Variants in UBTD2 observed in about 807,000 individuals in gnomAD.
The protein encoded by UBTD2 is ubiquitin domain containing 2.
In UBTD2, 9 loss-of-function variants were observed where a neutral mutation model predicts 19.8. The observed-to-expected ratio is 0.46, with a 90% CI of 0.27 to 0.79. The LOEUF (loss-of-function observed/expected upper bound fraction) is 0.79. UBTD2 is among the 30% of genes least tolerant of loss of function. The pLI, the probability that UBTD2 is intolerant of heterozygous loss-of-function variation, is 0.14. For synonymous variants in UBTD2, 98 were observed against 103.9 expected (o/e 0.94, Z 0.35); for missense variants, 250 against 300.4 (o/e 0.83, Z 1.24).
Position 172,240,270 on chromosome 5 carries a change from A to G in UBTD2, c.71-5912T>C, listed in dbSNP as rs562202730. Among the ~76,000 whole-genome samples, 6 of 152,340 alleles carry G rather than the reference A, an allele frequency of 3.9e-5. No individual in the cohort carries two copies. In the South Asian group the frequency reaches 1.2e-3, roughly 32 times the overall value. On this transcript the variant is annotated intron_variant, in intron 1 of 2. Transcript: ENST00000393792. ...CTTTACGGCCTATCACTTTCAACTT[A>G]TAAGTACTTAGCATCTACAACAAAT...
intron 1 of UBTD2, among the ~76,000 whole-genome samples, chr5:172,269,260 C>T (rs1488785047): frequency 2.0e-5 from 3 of 151,872 alleles, no homozygotes; most frequent in Admixed American, 2.0e-4. Context: ...GAGGCCAAGG[C>T]AGGTGGATCA....
intron 1 of UBTD2, among the ~76,000 whole-genome samples, chr5:172,253,270 G>GCAAT (rs1258018570): frequency 6.6e-6 from 1 of 152,052 alleles, no homozygotes; most frequent in African/African-American, 2.4e-5. Flanking sequence ...TTACTTAAGT[G>GCAAT]CAATGTTCAG....
At chr5:172,229,860 A>G (rs1203361001) in intron 2 of UBTD2, among the ~76,000 whole-genome samples, 2 of 152,196 alleles carry the variant, frequency 1.3e-5, no homozygotes, top group Non-Finnish European at 2.9e-5. Flanking sequence ...TGTTTATACC[A>G]ATTTGGCAAA....
At chr5:172,260,621 A>C (rs1376032255) in intron 1 of UBTD2, among the ~76,000 whole-genome samples, 2 of 152,224 alleles carry the variant, frequency 1.3e-5, no homozygotes, top group African/African-American at 4.8e-5. Flanking sequence ...GCAGAAAGAT[A>C]GTCTCCTTGC....
At chr5:172,249,039 G>C in intron 1 of UBTD2, among the ~76,000 whole-genome samples, 1 of 152,036 alleles carries the variant, frequency 6.6e-6, no homozygotes, top group East Asian at 1.9e-4. Context: ...GAAAAAATGA[G>C]AAGGCACAAA....
At chr5:172,257,631 C>T (rs1000090845) in intron 1 of UBTD2, among the ~76,000 whole-genome samples, 1 of 152,202 alleles carries the variant, frequency 6.6e-6, no homozygotes, top group East Asian at 1.9e-4. Flanking sequence ...AACCTCATCA[C>T]ATCTGTTATT....
chr5:172,267,054 A>G (rs889821721), intron 1 of UBTD2, among the ~76,000 whole-genome samples: 11 of 151,812 alleles, frequency 7.2e-5, no homozygotes, highest in Non-Finnish European at 1.5e-4. Context: ...AAAAAAAAAA[A>G]AAAAAAGTTT....
chr5:172,267,643 A>G (rs1253833277), intron 1 of UBTD2, among the ~76,000 whole-genome samples: 2 of 152,214 alleles, frequency 1.3e-5, no homozygotes, highest in East Asian at 3.8e-4. Context: ...TGGTGATTCA[A>G]ACTTAAAATC....
intron 1 of UBTD2, among the ~76,000 whole-genome samples, chr5:172,238,890 A>C (rs1772065284): frequency 6.6e-6 from 1 of 152,214 alleles, no homozygotes; most frequent in Non-Finnish European, 1.5e-5. Context: ...TAACCGGTTG[A>C]AAACTGGAAG....
chr5:172,273,817 G>A (rs1755551571), intron 1 of UBTD2, among the ~76,000 whole-genome samples: 2 of 151,962 alleles, frequency 1.3e-5, no homozygotes, highest in South Asian at 4.1e-4. Context: ...TAGCTTCCTT[G>A]ACCTATATAT....
chr5:172,248,568 A>G (rs1754929212), intron 1 of UBTD2, among the ~76,000 whole-genome samples: 1 of 151,772 alleles, frequency 6.6e-6, no homozygotes, highest in South Asian at 2.1e-4. Flanking sequence ...AGCCTGGGCG[A>G]CAGAGCGAGA....
rs1461614402 is a variant in UBTD2 at position 172,283,618 on chromosome 5, G to A, written c.48C>T (p.Asn16=). 3 of 1,302,524 alleles carry A rather than the reference G, an allele frequency of 2.3e-6. No individual in the cohort carries two copies. Among genetic ancestry groups the A allele is most frequent in the Non-Finnish European group, 2.9e-6 (3 of 1,017,124 alleles). The allele number at this position is 1,302,524 out of a possible 1,614,324, so 80.7% of individuals were successfully genotyped here. The change falls in exon 1 of 3, where the codon AAC becomes AAT. Residue 16 remains asparagine, a synonymous_variant. Transcript: ENST00000393792. The surrounding 1 kb of genome is among the most constrained non-coding windows in gnomAD (Gnocchi z 4.3). ...GAQHDSSGSL[N]ENSEGTGVAL... ...TACCTCCGGTGCCCTCCGAGTTCTC[G>A]TTGAGGCTGCCCGAGGAGTCGTGCT...
At chr5:172,216,814 A>G (rs1397496577) in intron 2 of UBTD2, among the ~76,000 whole-genome samples, 1 of 151,858 alleles carries the variant, frequency 6.6e-6, no homozygotes, top group Non-Finnish European at 1.5e-5. Context: ...AAAAATACAA[A>G]AATTAGTTGG....
intron 1 of UBTD2, among the ~76,000 whole-genome samples, chr5:172,250,205 C>T (rs1354180396): frequency 6.6e-6 from 1 of 151,962 alleles, no homozygotes; most frequent in African/African-American, 2.4e-5. Context: ...GCAACCCAGC[C>T]TGGGTAATAA....
At chr5:172,223,919 C>A (rs1227441184) in intron 2 of UBTD2, among the ~76,000 whole-genome samples, 1 of 152,024 alleles carries the variant, frequency 6.6e-6, no homozygotes, top group African/African-American at 2.4e-5. Context: ...AAATGAATCA[C>A]AAGGAGCAAG....
chr5:172,216,540 C>T (rs759351295), intron 2 of UBTD2, among the ~76,000 whole-genome samples: 1 of 131,124 alleles, frequency 7.6e-6, no homozygotes, highest in Non-Finnish European at 1.5e-5. Flanking sequence ...ACTGCTTGAG[C>T]CCATGAGTTT....
intron 1 of UBTD2, among the ~76,000 whole-genome samples, chr5:172,270,768 A>G (rs1346549701): frequency 6.6e-6 from 1 of 152,210 alleles, no homozygotes; most frequent in African/African-American, 2.4e-5. Flanking sequence ...CTGTAGCATT[A>G]AAATTGTAAC....
At chr5:172,263,968 G>A (rs1581231134) in intron 1 of UBTD2, among the ~76,000 whole-genome samples, 1 of 151,994 alleles carries the variant, frequency 6.6e-6, no homozygotes, top group Non-Finnish European at 1.5e-5. Context: ...GACTACAGGT[G>A]TGCAACAACA....
At chr5:172,265,872 G>A (rs1190124876) in intron 1 of UBTD2, among the ~76,000 whole-genome samples, 1 of 151,728 alleles carries the variant, frequency 6.6e-6, no homozygotes, top group African/African-American at 2.4e-5. Flanking sequence ...CTTTTTTAAA[G>A]CAAGTGGGAG....
Sources: gnomAD v4.1 joint callset for allele counts (sites outside exome capture counted in the v4.1 genomes callset) on GRCh38, gnomAD v4.1.1 for gene constraint, Gnocchi (gnomAD v3.1) non-coding constraint, MANE v1.5 for transcripts, NCBI Gene and HGNC (gene_info 2026-07-23, HGNC 2026-07-21) for gene names.